Variants in CNTNAP3 observed in about 807,000 individuals in gnomAD.
CNTNAP3 encodes the protein contactin associated protein family member 3.
A neutral mutation model predicts 92.1 loss-of-function variants in CNTNAP3; 36 were observed. The ratio of observed to expected loss-of-function variants is 0.39; its 90% CI spans 0.30 to 0.52. The LOEUF (loss-of-function observed/expected upper bound fraction) is 0.52, where lower values mean the gene tolerates loss of function less well. CNTNAP3 is among the 20% of genes least tolerant of loss of function. The pLI is 0.76. For missense variants in CNTNAP3, 534 were observed against 1,069.6 expected (o/e 0.50, Z 6.98); for synonymous variants, 232 against 422.3 (o/e 0.55, Z 5.53).
chr9:39,105,182 C>T (rs1005423186), intron 15 of CNTNAP3, among the ~76,000 whole-genome samples: 5 of 152,158 alleles, frequency 3.3e-5, no homozygotes, highest in Non-Finnish European at 5.9e-5. Context: ...AACCCCAGCA[C>T]TTTGGGAGGC....
chr9:39,104,581 T>G (rs1826555157), intron 15 of CNTNAP3, among the ~76,000 whole-genome samples: 1 of 151,772 alleles, frequency 6.6e-6, no homozygotes, highest in South Asian at 2.1e-4. Context: ...ATTTGTTCCC[T>G]TCTGTCCAAA....
chr9:39,128,228 C>T (rs367780534), intron 13 of CNTNAP3, among the ~76,000 whole-genome samples: 1,669 of 151,296 alleles, frequency 0.011, 33 homozygotes, highest in South Asian at 0.079. Flanking sequence ...GAGAATGTTA[C>T]CAAATTCATT....
intron 14 of CNTNAP3, among the ~76,000 whole-genome samples, chr9:39,116,473 C>G (rs1248055211): frequency 6.6e-6 from 1 of 152,134 alleles, no homozygotes; most frequent in Non-Finnish European, 1.5e-5. Flanking sequence ...ATCACATTAT[C>G]ATACCAGACA....
At chr9:39,075,784 G>A (rs1360802615) in intron 23 of CNTNAP3, among the ~76,000 whole-genome samples, 2 of 152,304 alleles carry the variant, frequency 1.3e-5, no homozygotes, top group African/African-American at 4.8e-5. Flanking sequence ...AGACTTCTAA[G>A]CCACTGCGCT....
chr9:39,087,697 A>G (rs1313277975), intron 19 of CNTNAP3, among the ~76,000 whole-genome samples: 2 of 152,256 alleles, frequency 1.3e-5, no homozygotes, highest in East Asian at 3.9e-4. Context: ...TGTGTTAGCC[A>G]GGATGGTCTC....
At chr9:39,147,159 C>T (rs1821723525) in intron 10 of CNTNAP3, among the ~76,000 whole-genome samples, 1 of 152,030 alleles carries the variant, frequency 6.6e-6, no homozygotes, top group Non-Finnish European at 1.5e-5. Context: ...GTGAGGCCTC[C>T]CCAGCCATGT....
At position 39,069,599 on chromosome 9, in the gene CNTNAP3, T is replaced by C. The variant is rs1587689540; in HGVS notation, c.*4291A>G. 6.6e-6 allele frequency among the ~76,000 whole-genome samples: 1 copy of C among 152,394 alleles called. No individual in the cohort carries two copies. Among genetic ancestry groups the C allele is most frequent in the East Asian group, 1.9e-4 (1 of 5,180 alleles). ...TATAGGCAATAAACTATGTTATCAT[T>C]TTGTAAAAAAAATACCACAGGAAGT... On this transcript the variant is annotated 3_prime_UTR_variant, in exon 24 of 24. Transcript: ENST00000297668.
chr9:39,076,957 A>G (rs971486187), intron 23 of CNTNAP3, among the ~76,000 whole-genome samples: 6 of 143,938 alleles, frequency 4.2e-5, no homozygotes, highest in Non-Finnish European at 9.2e-5. Context: ...CTCCCTCTCA[A>G]ACAAACAAAG....
chr9:39,159,670 AGATATATG>A lies in CNTNAP3; in HGVS notation c.1477+6255_1477+6262del, dbSNP rs1308376040. 2.8e-5 allele frequency: 4 copies of A among 142,666 alleles called. 1 individual carries two copies. Among genetic ancestry groups the A allele is most frequent in the African/African-American group, 1.1e-4 (4 of 35,222 alleles). 8.8% of individuals were successfully genotyped at this position (142,666 alleles called of 1,614,324 possible). A position where few individuals can be genotyped will look rare whatever the true frequency, so the allele number is the denominator to read the frequency against. On this transcript the variant is annotated intron_variant, in intron 9 of 23. Coordinates refer to ENST00000297668, the MANE Select transcript of CNTNAP3 (RefSeq NM_033655.5). ...TAGATAGATAGATAGATAGATAGATAGATATATGTAATCTTTTTCAGTATATTCTCAGG... is the reference window on the plus strand; with the variant it reads ...TAGATAGATAGATAGATAGATAGATATAATCTTTTTCAGTATATTCTCAGG...
intron 14 of CNTNAP3, among the ~76,000 whole-genome samples, chr9:39,113,652 C>T (rs1820766306): frequency 6.6e-6 from 1 of 151,980 alleles, no homozygotes; most frequent in Non-Finnish European, 1.5e-5. Context: ...CACGCATGAA[C>T]TTTTAAAAAT....
intron 17 of CNTNAP3, among the ~76,000 whole-genome samples, chr9:39,102,177 G>T (rs1826475444): frequency 6.6e-6 from 1 of 152,388 alleles, no homozygotes; most frequent in East Asian, 1.9e-4. Flanking sequence ...CTACTCAGGA[G>T]GCTGAGGCAG....
chr9:39,095,891 T>G (rs1049312694), intron 18 of CNTNAP3, among the ~76,000 whole-genome samples: 1 of 151,462 alleles, frequency 6.6e-6, no homozygotes, highest in African/African-American at 2.4e-5. Flanking sequence ...CCCATTATTA[T>G]TTTATATAAT....
chr9:39,121,835 T>C (rs1821030505), intron 13 of CNTNAP3, among the ~76,000 whole-genome samples: 1 of 152,108 alleles, frequency 6.6e-6, no homozygotes, highest in African/African-American at 2.4e-5. Flanking sequence ...GAAAACATTT[T>C]TGAAATAAGC....
intron 11 of CNTNAP3, among the ~76,000 whole-genome samples, chr9:39,141,724 A>T (rs1303948457): frequency 7.9e-5 from 12 of 152,282 alleles, no homozygotes; most frequent in Admixed American, 7.8e-4. Context: ...ACTCAAATTA[A>T]TAACAATACT....
rs990222228 is a variant in CNTNAP3, at chr9:39,068,834, C to G, written c.*5056G>C. Among the ~76,000 whole-genome samples the G allele has an allele frequency of 3.3e-5, 5 of 152,296 alleles. No individual in the cohort carries two copies. Among genetic ancestry groups the G allele is most frequent in the African/African-American group, 1.2e-4 (5 of 41,472 alleles). ...ACTCACAGCACACATCTTATGTTTC[C>G]TGTCTTTCAGGGATTACATTCCGTG... On this transcript the variant is annotated 3_prime_UTR_variant, in exon 24 of 24. Coordinates refer to ENST00000297668, the MANE Select transcript of CNTNAP3 (RefSeq NM_033655.5).
chr9:39,086,311 C>T (rs1826059574), intron 20 of CNTNAP3: 2 of 230,264 alleles, frequency 8.7e-6, no homozygotes, highest in South Asian at 8.3e-5. Context: ...GCTTTTAAAC[C>T]GTGTTTTTAA....
intron 11 of CNTNAP3, among the ~76,000 whole-genome samples, chr9:39,143,311 C>A (rs1821621139): frequency 6.6e-6 from 1 of 152,006 alleles, no homozygotes; most frequent in Non-Finnish European, 1.5e-5. Flanking sequence ...TTACAAGAGA[C>A]TCGGGGCCCC....
chr9:39,174,299 T>C (rs1822290776), intron 7 of CNTNAP3: 3 of 302,202 alleles, frequency 9.9e-6, no homozygotes, highest in South Asian at 6.4e-5. Flanking sequence ...TCCTTTTTCA[T>C]GTATCTTGAT....
chr9:39,130,357 G>C (rs1821250648), intron 13 of CNTNAP3, among the ~76,000 whole-genome samples: 1 of 151,716 alleles, frequency 6.6e-6, no homozygotes, highest in Non-Finnish European at 1.5e-5. Context: ...ATCTAGAGAG[G>C]ATTACACAGA....
Sources: gnomAD v4.1 joint callset for allele counts (sites outside exome capture counted in the v4.1 genomes callset) on GRCh38, gnomAD v4.1.1 for gene constraint, MANE v1.5 for transcripts, NCBI Gene and HGNC (gene_info 2026-07-23, HGNC 2026-07-21) for gene names.